Variants in FNIP1 observed in about 807,000 individuals in gnomAD.
The protein encoded by FNIP1 is folliculin interacting protein 1.
In FNIP1, 40 loss-of-function variants were observed where a neutral mutation model predicts 124.5. The ratio of observed to expected loss-of-function variants is 0.32; its 90% CI spans 0.25 to 0.42. FNIP1 has a LOEUF of 0.42. Ranked by LOEUF, FNIP1 falls within the 10% of genes least tolerant of loss-of-function variation. The pLI is 1.00. For missense variants in FNIP1, 1,176 were observed against 1,403.7 expected (o/e 0.84, Z 2.59); for synonymous variants, 472 against 470.6 (o/e 1.00, Z -0.04).
At position 131,716,582 on chromosome 5, in the gene FNIP1, C is replaced by A; in HGVS notation, c.605G>T (p.Gly202Val). Residue 202 changes from glycine (G) to valine (V), a missense_variant, in exon 6 of 18, where the codon GGA (glycine) becomes GTA (valine). Around this residue, in one of 2 missense-constraint regions of FNIP1, gnomAD observed 1,109 missense variants for 1,288.5 expected, o/e 0.86. Transcript: ENST00000510461. Reference protein sequence around the residue: ...LKADNNTVINGLLGNIGLSQF... With the variant: ...LKADNNTVINVLLGNIGLSQF... ...CCATTTACCTATATTTCCAAGCAGT[C>A]CATTAATAACTGTGTTATTATCAGC... The A allele has an allele frequency of 6.2e-7, 1 of 1,600,620 alleles. No homozygotes were observed. The highest frequency in any genetic ancestry group is 8.5e-7 in the Non-Finnish European group (1 of 1,172,276).
rs140052818 is a variant in FNIP1, at chr5:131,741,173, A to G, written c.219+3391T>C. On this transcript the variant is annotated intron_variant, in intron 2 of 17. Coordinates refer to ENST00000510461, the MANE Select transcript of FNIP1 (RefSeq NM_133372.3). Reference sequence around the variant, plus strand: ...CTGAATTCTTTCTTGCTCAAGATCCAAGAACCCTCTCTTGGGGTCTGGATC... The same window carrying G: ...CTGAATTCTTTCTTGCTCAAGATCCGAGAACCCTCTCTTGGGGTCTGGATC... 3.7e-3 allele frequency among the ~76,000 whole-genome samples: 570 copies of G among 152,318 alleles called. 4 individuals carry two copies. Among genetic ancestry groups the G allele is most frequent in the African/African-American group, 0.013 (540 of 41,566 alleles).
chr5:131,766,220 G>A (rs1387959990), intron 1 of FNIP1, among the ~76,000 whole-genome samples: 1 of 151,806 alleles, frequency 6.6e-6, no homozygotes, highest in African/African-American at 2.4e-5. Flanking sequence ...CAAGTAGTGA[G>A]GACTACAGAA....
chr5:131,681,038 T>C (rs1768060950), intron 11 of FNIP1, among the ~76,000 whole-genome samples: 1 of 152,132 alleles, frequency 6.6e-6, no homozygotes, highest in South Asian at 2.1e-4. Context: ...GGGAGACTAA[T>C]TCAAAGTCCA....
At chr5:131,796,781 GAGC>G (rs1772619598) in intron 1 of FNIP1, 46 bp downstream of exon 1, 1 of 1,521,456 alleles carries the variant, frequency 6.6e-7, no homozygotes, top group East Asian at 2.4e-5. Context: ...CTGGAGCCCG[GAGC>G]CCACAAGGCC....
Position 131,706,725 on chromosome 5 carries a change from A to G in FNIP1, c.779-179T>C, listed in dbSNP as rs148912703. Among the ~76,000 whole-genome samples, 228 of 152,336 alleles carry G rather than the reference A, an allele frequency of 1.5e-3. 1 individual carries two copies. Among genetic ancestry groups the G allele is most frequent in the African/African-American group, 5.3e-3 (220 of 41,576 alleles). On this transcript the variant is annotated intron_variant, in intron 8 of 17. Coordinates refer to ENST00000510461, the MANE Select transcript of FNIP1 (RefSeq NM_133372.3). ...CAAGGTCTCAGAGGAGAAAAATCAT[A>G]TATTAACAATGTATCAGCAAAAAAC...
chr5:131,693,612 A>G (rs1025086843), intron 11 of FNIP1, among the ~76,000 whole-genome samples: 4 of 152,024 alleles, frequency 2.6e-5, no homozygotes, highest in Admixed American at 6.6e-5. Flanking sequence ...CATAAAATGC[A>G]AAACTATAAA....
At position 131,709,195 on chromosome 5, in the gene FNIP1, C is replaced by A; in HGVS notation, c.778+6G>T. The A allele has an allele frequency of 6.2e-7, 1 of 1,612,510 alleles. No individual in the cohort carries two copies. Among genetic ancestry groups the A allele is most frequent in the Non-Finnish European group, 8.5e-7 (1 of 1,178,744 alleles). ...TAAAAAACTGAATACAAGAACGTGA[C>A]ATTACCAGACCGTGCTATGCCACTG... On this transcript the variant is annotated splice_donor_region_variant and intron_variant, in intron 8 of 17. Coordinates refer to ENST00000510461, the MANE Select transcript of FNIP1 (RefSeq NM_133372.3).
chr5:131,788,217 A>T (rs1036851071), intron 1 of FNIP1, among the ~76,000 whole-genome samples: 5 of 152,242 alleles, frequency 3.3e-5, no homozygotes. Flanking sequence ...AACTTGGTAG[A>T]CTAAGAGAAT....
intron 5 of FNIP1, among the ~76,000 whole-genome samples, chr5:131,717,364 C>T (rs1188519593): frequency 2.0e-5 from 3 of 152,168 alleles, no homozygotes; most frequent in Non-Finnish European, 4.4e-5. Flanking sequence ...ATATGCGCCA[C>T]ATTTTCTTAA....
At chr5:131,776,199 T>G (rs564275686) in intron 1 of FNIP1, among the ~76,000 whole-genome samples, 12 of 152,352 alleles carry the variant, frequency 7.9e-5, no homozygotes, top group South Asian at 2.1e-4. Flanking sequence ...GGTGTACTTC[T>G]GCATATTTTA....
intron 1 of FNIP1, among the ~76,000 whole-genome samples, chr5:131,745,959 C>T (rs1443193851): frequency 6.6e-6 from 1 of 152,124 alleles, no homozygotes; most frequent in Non-Finnish European, 1.5e-5. Context: ...AGAAAAGGGA[C>T]GTAACAGGTG....
At chr5:131,675,597 A>G (rs765706894) in intron 13 of FNIP1, among the ~76,000 whole-genome samples, 1 of 152,224 alleles carries the variant, frequency 6.6e-6, no homozygotes, top group Non-Finnish European at 1.5e-5. Context: ...TATTGAATGA[A>G]TGAGATCAAA....
chr5:131,683,576 T>C (rs1336233809), intron 11 of FNIP1, among the ~76,000 whole-genome samples: 2 of 145,142 alleles, frequency 1.4e-5, no homozygotes, highest in African/African-American at 2.6e-5. Flanking sequence ...AAAAAAACCA[T>C]CTCTAGAGTA....
intron 11 of FNIP1, among the ~76,000 whole-genome samples, chr5:131,688,725 G>A (rs1768371330): frequency 7.2e-6 from 1 of 139,636 alleles, no homozygotes; most frequent in African/African-American, 2.6e-5. Flanking sequence ...AAAAGGAGCA[G>A]GAATGAAGAA....
At chr5:131,765,376 C>G (rs924123575) in intron 1 of FNIP1, among the ~76,000 whole-genome samples, 40 of 152,290 alleles carry the variant, frequency 2.6e-4, no homozygotes, top group African/African-American at 9.1e-4. Flanking sequence ...AGCATGCTTT[C>G]TTTCAGATGC....
chr5:131,657,056 C>T (rs925823252), intron 15 of FNIP1, among the ~76,000 whole-genome samples: 64 of 131,062 alleles, frequency 4.9e-4, no homozygotes, highest in African/African-American at 1.8e-3. Flanking sequence ...GACAGAGTCT[C>T]GCTGGGTTGC....
chr5:131,670,369 TA>T, intron 15 of FNIP1, 93 bp downstream of exon 15: 1 of 1,093,056 alleles, frequency 9.1e-7, no homozygotes, highest in Non-Finnish European at 1.3e-6. Flanking sequence ...GATTGTGTTG[TA>T]AAAAGTATGA....
At chr5:131,736,094 A>T (rs1349095135) in intron 2 of FNIP1, among the ~76,000 whole-genome samples, 1 of 152,160 alleles carries the variant, frequency 6.6e-6, no homozygotes, top group African/African-American at 2.4e-5. Context: ...TTGTTATTAG[A>T]AAACAGTTAA....
At chr5:131,739,583 GT>G (rs377212594) in intron 2 of FNIP1, among the ~76,000 whole-genome samples, 2,660 of 152,240 alleles carry the variant, frequency 0.017, 40 homozygotes, top group Middle Eastern at 0.11. Context: ...GGAGGCCGAG[GT>G]GGGTGGATCA....
Sources: allele counts gnomAD v4.1 joint callset (sites outside exome capture counted in the v4.1 genomes callset), GRCh38; gene constraint gnomAD v4.1.1; regional missense constraint gnomAD v4.1.1; transcripts MANE v1.5; gene names NCBI Gene and HGNC (gene_info 2026-07-23, HGNC 2026-07-21).